ACAP2: variants seen among roughly 807,000 people sequenced by gnomAD.
ACAP2 encodes ArfGAP with coiled-coil, ankyrin repeat and PH domains 2, also known as arf-GAP with coiled-coil, ANK repeat and PH domain-containing protein 2.
Under a neutral mutation model 115.8 loss-of-function variants are expected in ACAP2, and 39 were observed. The observed-to-expected ratio is 0.34, with a 90% CI of 0.26 to 0.44. The LOEUF is 0.44. ACAP2 is among the 20% of genes least tolerant of loss of function. ACAP2 has a pLI of 1.00. For synonymous variants in ACAP2, 289 were observed against 315.8 expected (o/e 0.92, Z 0.90); for missense variants, 662 against 927.6 (o/e 0.71, Z 3.72).
intron 1 of ACAP2, among the ~76,000 whole-genome samples, chr3:195,401,843 C>T (rs1712332556): frequency 6.6e-6 from 1 of 152,128 alleles, no homozygotes; most frequent in South Asian, 2.1e-4. Flanking sequence ...CCGTTTTACA[C>T]AGTATTTCAT....
At chr3:195,402,357 C>G (rs1712380405) in intron 1 of ACAP2, among the ~76,000 whole-genome samples, 2 of 152,100 alleles carry the variant, frequency 1.3e-5, no homozygotes, top group South Asian at 4.2e-4. Context: ...CTGCTGTGCC[C>G]TCTCCAGCCT....
At chr3:195,420,662 T>C (rs1261780129) in intron 1 of ACAP2, among the ~76,000 whole-genome samples, 1 of 150,094 alleles carries the variant, frequency 6.7e-6, no homozygotes, top group African/African-American at 2.5e-5. Flanking sequence ...GTTTTTGTTT[T>C]TGAGATGGAG....
intron 1 of ACAP2, among the ~76,000 whole-genome samples, chr3:195,415,502 CTT>C (rs1013129878): frequency 6.6e-6 from 1 of 152,076 alleles, no homozygotes; most frequent in African/African-American, 2.4e-5. Flanking sequence ...GTCTCGATCT[CTT>C]GACCTCGTGA....
At chr3:195,350,259 A>G (rs1354236474) in intron 4 of ACAP2, among the ~76,000 whole-genome samples, 1 of 152,244 alleles carries the variant, frequency 6.6e-6, no homozygotes, top group East Asian at 1.9e-4. Context: ...GACCTAGAAT[A>G]GCCAAAATAA....
chr3:195,402,911 T>A (rs1163135968), intron 1 of ACAP2, among the ~76,000 whole-genome samples: 1 of 151,806 alleles, frequency 6.6e-6, no homozygotes, highest in Non-Finnish European at 1.5e-5. Context: ...AAGAAGAAAA[T>A]AAACAATGAT....
At position 195,390,858 on chromosome 3, in the gene ACAP2, TAAATGAGCAGTGG is replaced by T. The variant is rs557840073; in HGVS notation, c.111+1219_111+1231del. ...CTCCAGAAATTTAAAGAGAAACATG[TAAATGAGCAGTGG>T]TTTCAGAAGTATCTAAACAAATGGA... On this transcript the variant is annotated intron_variant, in intron 2 of 22. Coordinates refer to ENST00000326793, the MANE Select transcript of ACAP2 (RefSeq NM_012287.6). 2.2e-3 allele frequency among the ~76,000 whole-genome samples: 341 copies of T among 152,322 alleles called. 1 individual carries two copies. Among genetic ancestry groups the T allele is most frequent in the African/African-American group, 8.0e-3 (332 of 41,562 alleles).
intron 20 of ACAP2, among the ~76,000 whole-genome samples, chr3:195,290,223 GC>G (rs1560204454): frequency 6.6e-6 from 1 of 151,868 alleles, no homozygotes; most frequent in Admixed American, 6.6e-5. Flanking sequence ...TTAAAAATTA[GC>G]CGGGAGTGGC....
intron 1 of ACAP2, 90 bp downstream of exon 1, chr3:195,442,705 G>A: frequency 7.3e-7 from 1 of 1,371,434 alleles, no homozygotes. Context: ...GCGGACGGCG[G>A]GGCCTCCTCC....
intron 1 of ACAP2, among the ~76,000 whole-genome samples, chr3:195,420,165 T>C (rs1048773231): frequency 2.0e-5 from 3 of 152,160 alleles, no homozygotes; most frequent in African/African-American, 7.2e-5. Context: ...TGAAGTCCTA[T>C]AAATTTTATG....
At chr3:195,311,154 G>A (rs1299613924) in intron 10 of ACAP2, among the ~76,000 whole-genome samples, 3 of 149,912 alleles carry the variant, frequency 2.0e-5, no homozygotes, top group Non-Finnish European at 4.4e-5. Flanking sequence ...TGGAGTGCAG[G>A]GGTGCGATCT....
At chr3:195,310,504 T>G (rs1728694799) in intron 10 of ACAP2, among the ~76,000 whole-genome samples, 1 of 152,226 alleles carries the variant, frequency 6.6e-6, no homozygotes, top group Non-Finnish European at 1.5e-5. Context: ...TGTGTAAAAA[T>G]CATTTGAAGT....
intron 20 of ACAP2, among the ~76,000 whole-genome samples, chr3:195,290,744 C>T (rs1216152898): frequency 1.3e-5 from 2 of 151,766 alleles, no homozygotes; most frequent in African/African-American, 2.4e-5. Flanking sequence ...ACCCAGGAGG[C>T]GGAGGTTGCA....
intron 4 of ACAP2, among the ~76,000 whole-genome samples, chr3:195,378,456 C>A (rs1733716719): frequency 6.6e-6 from 1 of 151,656 alleles, no homozygotes. Context: ...TGCGCCGCTG[C>A]ACTCCAGCCT....
intron 1 of ACAP2, among the ~76,000 whole-genome samples, chr3:195,417,078 A>ATTTTT (rs11293878): frequency 9.1e-6 from 1 of 109,546 alleles, no homozygotes; most frequent in Non-Finnish European, 1.8e-5. Context: ...TGCCTGGCTA[A>ATTTTT]TTTTTTTTTT....
chr3:195,357,792 G>A (rs1162957714), intron 4 of ACAP2: 1 of 152,342 alleles, frequency 6.6e-6, no homozygotes, highest in Non-Finnish European at 1.5e-5. Context: ...AATCTAGAAA[G>A]GAAAGAGGTT....
At chr3:195,404,967 T>C (rs1712629586) in intron 1 of ACAP2, among the ~76,000 whole-genome samples, 1 of 151,810 alleles carries the variant, frequency 6.6e-6, no homozygotes, top group Admixed American at 6.6e-5. Flanking sequence ...CCGGCTACTT[T>C]TTTTTCTACT....
At chr3:195,312,830 G>A (rs1022749311) in intron 10 of ACAP2, 1 of 152,082 alleles carries the variant, frequency 6.6e-6, no homozygotes, top group Non-Finnish European at 1.5e-5. Context: ...AAAACATAAA[G>A]AGACTTTTCA....
intron 18 of ACAP2, among the ~76,000 whole-genome samples, chr3:195,293,882 C>T (rs1052379839): frequency 6.6e-6 from 1 of 151,274 alleles, no homozygotes; most frequent in African/African-American, 2.4e-5. Context: ...GCCTGCAATC[C>T]CAGCACTTTG....
intron 4 of ACAP2, among the ~76,000 whole-genome samples, chr3:195,380,464 A>G (rs188076407): frequency 1.3e-5 from 2 of 152,320 alleles, no homozygotes; most frequent in Admixed American, 1.3e-4. Context: ...TATTTGCAGT[A>G]AACTTTTGCA....
Sources: gnomAD v4.1 joint callset for allele counts (sites outside exome capture counted in the v4.1 genomes callset) on GRCh38, gnomAD v4.1.1 for gene constraint, MANE v1.5 for transcripts, NCBI Gene and HGNC (gene_info 2026-07-23, HGNC 2026-07-21) for gene names.